FERMT1: variants seen among roughly 807,000 people sequenced by gnomAD.
The protein encoded by FERMT1 is fermitin family homolog 1.
FERMT1 carries 60 observed loss-of-function variants against 85.3 expected under a neutral mutation model. The observed-to-expected ratio is 0.70, with a 90% CI of 0.57 to 0.87. The LOEUF (loss-of-function observed/expected upper bound fraction) is 0.87, where lower values mean the gene tolerates loss of function less well. Among genes scored for constraint, FERMT1 ranks in the 40% least tolerant of loss-of-function variants. FERMT1 has a pLI of 0.00. For synonymous variants in FERMT1, 275 were observed against 301.1 expected (o/e 0.91, Z 0.90); for missense variants, 701 against 818.9 (o/e 0.86, Z 1.76).
At chr20:6,096,804 A>AAAAT in intron 8 of FERMT1, 98 bp downstream of exon 8, 2 of 1,002,478 alleles carry the variant, frequency 2.0e-6, no homozygotes, top group Non-Finnish European at 2.9e-6. Flanking sequence ...TTTTTTTTCA[A>AAAAT]AATCAGATGA....
intron 14 of FERMT1, among the ~76,000 whole-genome samples, chr20:6,077,688 A>AT (rs989721334): frequency 1.5e-3 from 223 of 148,514 alleles, no homozygotes; most frequent in African/African-American, 3.7e-3. Context: ...TTTTATTTTT[A>AT]TTTTTTTTTT....
intron 8 of FERMT1, 147 bp from the exon 9 acceptor site, chr20:6,095,135 T>C (rs1982466771): frequency 3.2e-6 from 2 of 616,138 alleles, no homozygotes; most frequent in Admixed American, 5.3e-5. Flanking sequence ...AAAAACTCAG[T>C]TCTTCAGTTT....
At chr20:6,093,067 A>AT (rs551482968) in intron 9 of FERMT1, among the ~76,000 whole-genome samples, 36 of 152,174 alleles carry the variant, frequency 2.4e-4, no homozygotes, top group South Asian at 8.3e-4. Flanking sequence ...AATTTAATAG[A>AT]TTTTTTTAAA....
At position 6,102,652 on chromosome 20, in the gene FERMT1, A is replaced by G. The variant is rs536095613; in HGVS notation, c.849+4880T>C. Among the ~76,000 whole-genome samples the G allele has an allele frequency of 1.2e-3, 165 of 140,498 alleles. 1 individual carries two copies. The Middle Eastern group carries it at 0.014, about 12-fold the overall frequency. The allele number at this position is 140,498 out of a possible 152,430, so 92.2% of individuals were successfully genotyped here. A position where few individuals can be genotyped will look rare whatever the true frequency, so the allele number is the denominator to read the frequency against. On this transcript the variant is annotated intron_variant, in intron 6 of 14. Coordinates refer to ENST00000217289, the MANE Select transcript of FERMT1 (RefSeq NM_017671.5). ...AGATCGTGCCACTGTACCCCAGCCTAGGTGACAGAGTGAAACTGTGTCTCA... is the reference window on the plus strand; with the variant it reads ...AGATCGTGCCACTGTACCCCAGCCTGGGTGACAGAGTGAAACTGTGTCTCA...
At chr20:6,097,346 A>C (rs1210688599) in intron 7 of FERMT1, among the ~76,000 whole-genome samples, 178 bp downstream of exon 7, 1 of 152,248 alleles carries the variant, frequency 6.6e-6, no homozygotes, top group Non-Finnish European at 1.5e-5. Context: ...TTTTAAATTA[A>C]AAATTTGTTC....
In FERMT1 at chr20:6,115,896, A is replaced by G. The variant is rs751268699; in HGVS notation, c.300T>C (p.Arg100=). Reference sequence around the variant, plus strand: ...ACCTCACCATCTTCAAATTCGGCAGACGAAGGCGCAGCATTTTATGCTGAG... The same window carrying G: ...ACCTCACCATCTTCAAATTCGGCAGGCGAAGGCGCAGCATTTTATGCTGAG... The part of the protein sequence containing the change: ...FTPQHKMLRL[R]LPNLKMVRLR... The change falls in exon 3 of 15, where the codon CGT becomes CGC. Residue 100 remains arginine (R), a synonymous_variant. Coordinates refer to ENST00000217289, the MANE Select transcript of FERMT1 (RefSeq NM_017671.5). 6.2e-7 allele frequency: 1 copy of G among 1,614,160 alleles called. No homozygotes were observed. Among genetic ancestry groups the G allele is most frequent in the South Asian group, 1.1e-5 (1 of 91,076 alleles).
At chr20:6,087,420 C>T (rs1982216256) in intron 11 of FERMT1, among the ~76,000 whole-genome samples, 1 of 152,198 alleles carries the variant, frequency 6.6e-6, no homozygotes, top group African/African-American at 2.4e-5. Flanking sequence ...AAGTGATTCT[C>T]CTGCCTCAGC....
At position 6,079,470 on chromosome 20, in the gene FERMT1, A is replaced by G. The variant is rs753750023; in HGVS notation, c.1826T>C (p.Ile609Thr). ...TTCCCAGTTTACATTCCACTGTTTG[A>G]TATTTGTGAATCTCCATGTTGTCAC... is the stretch of plus-strand genomic sequence containing the variant. ...IPVTTWRFTN[I>T]KQWNVNWETR... The change falls in exon 14 of 15, where the codon ATC becomes ACC. Residue 609 changes from isoleucine to threonine, a missense_variant. Transcript: ENST00000217289. 21 of 1,614,112 alleles carry G rather than the reference A, an allele frequency of 1.3e-5. No individual in the cohort carries two copies. The highest frequency in any genetic ancestry group is 1.8e-5 in the Non-Finnish European group (21 of 1,180,006).
chr20:6,106,603 C>T lies in FERMT1; in HGVS notation c.849+929G>A, dbSNP rs200111893. 2.4e-4 allele frequency among the ~76,000 whole-genome samples: 36 copies of T among 152,270 alleles called. 1 individual carries two copies. The East Asian group carries it at 6.8e-3, about 29-fold the overall frequency. ...GCCATTGTACCGCTGACTCTCAGCTCTTCAAAAGGGCTCATCAGAAGGAAG... is the reference window on the plus strand; with the variant it reads ...GCCATTGTACCGCTGACTCTCAGCTTTTCAAAAGGGCTCATCAGAAGGAAG... On this transcript the variant is annotated intron_variant, in intron 6 of 14. Coordinates refer to ENST00000217289, the MANE Select transcript of FERMT1 (RefSeq NM_017671.5).
intron 5 of FERMT1, among the ~76,000 whole-genome samples, chr20:6,109,621 T>C (rs1248851476): frequency 2.0e-5 from 3 of 152,154 alleles, no homozygotes; most frequent in African/African-American, 7.2e-5. Context: ...GAGCGACAGC[T>C]GGGCGCGGTG....
intron 14 of FERMT1, among the ~76,000 whole-genome samples, chr20:6,078,348 T>C (rs908399296): frequency 2.0e-5 from 3 of 152,226 alleles, no homozygotes; most frequent in African/African-American, 7.2e-5. Flanking sequence ...TGAGAGGAAG[T>C]CAGGGTTCTT....
intron 5 of FERMT1, among the ~76,000 whole-genome samples, chr20:6,108,809 CAAA>C (rs11434994): frequency 2.1e-5 from 2 of 94,302 alleles, no homozygotes; most frequent in Non-Finnish European, 2.3e-5. Flanking sequence ...GACTCTGTCT[CAAA>C]AAAAAAAAAA....
rs918869787 is a variant in FERMT1, at chr20:6,104,231, C to T, written c.849+3301G>A. ...TTTACGTATCTGAGATTTTAATCAG[C>T]ACCTGTTACTAAGGACCTGTGGCCA... On this transcript the variant is annotated intron_variant, in intron 6 of 14. Coordinates refer to ENST00000217289, the MANE Select transcript of FERMT1 (RefSeq NM_017671.5). The surrounding 1 kb of genome is among the most constrained non-coding windows in gnomAD (Gnocchi z 4.2). Among the ~76,000 whole-genome samples the T allele has an allele frequency of 4.6e-5, 7 of 152,150 alleles. No individual in the cohort carries two copies. Among genetic ancestry groups the T allele is most frequent in the Non-Finnish European group, 1.0e-4 (7 of 68,036 alleles).
At chr20:6,100,100 A>G (rs1982622264) in intron 6 of FERMT1, among the ~76,000 whole-genome samples, 1 of 152,194 alleles carries the variant, frequency 6.6e-6, no homozygotes, top group African/African-American at 2.4e-5. Flanking sequence ...AACATTATGT[A>G]TATTTTACAA....
At chr20:6,092,892 G>A (rs1982405798) in intron 9 of FERMT1, among the ~76,000 whole-genome samples, 1 of 151,868 alleles carries the variant, frequency 6.6e-6, no homozygotes, top group South Asian at 2.1e-4. Flanking sequence ...CTAGATTCCT[G>A]CCTCATTTCC....
chr20:6,103,713 A>T (rs1358201350), intron 6 of FERMT1, among the ~76,000 whole-genome samples: 1 of 148,482 alleles, frequency 6.7e-6, no homozygotes, highest in Non-Finnish European at 1.5e-5. Context: ...TACATATTAG[A>T]GAAATTCATC....
chr20:6,108,376 TAC>T lies in FERMT1; in HGVS notation c.747-744_747-743del, dbSNP rs1190042009. On this transcript the variant is annotated intron_variant, in intron 5 of 14. Coordinates refer to ENST00000217289, the MANE Select transcript of FERMT1 (RefSeq NM_017671.5). ...AATAGCTTATATTTGCATTTTATCT[TAC>T]AGTCTTCAAAGTGCTTTATAGATTT... Among the ~76,000 whole-genome samples, 3 of 152,364 alleles carry T rather than the reference TAC, an allele frequency of 2.0e-5. No homozygotes were observed. The East Asian group carries it at 5.8e-4, about 29-fold the overall frequency.
At chr20:6,119,870 T>C (rs1983219642) in intron 1 of FERMT1, among the ~76,000 whole-genome samples, 1 of 152,226 alleles carries the variant, frequency 6.6e-6, no homozygotes, top group South Asian at 2.1e-4. Context: ...GCTTCAATCC[T>C]CATTTTCTCT....
intron 14 of FERMT1, among the ~76,000 whole-genome samples, chr20:6,077,669 G>C (rs1003657409): frequency 6.6e-6 from 1 of 152,028 alleles, no homozygotes; most frequent in Non-Finnish European, 1.5e-5. Context: ...TGCTTCGCAG[G>C]CACTTTATTT....
Sources: allele counts gnomAD v4.1 joint callset (sites outside exome capture counted in the v4.1 genomes callset), GRCh38; gene constraint gnomAD v4.1.1; non-coding constraint Gnocchi (gnomAD v3.1); transcripts MANE v1.5; gene names NCBI Gene and HGNC (gene_info 2026-07-23, HGNC 2026-07-21).